The following SEMA3A variants were observed in gnomAD, a reference collection of about 807,000 sequenced individuals.
The protein encoded by SEMA3A is semaphorin 3A, also known as semaphorin-3A.
In SEMA3A, 29 loss-of-function variants were observed where a neutral mutation model predicts 97.9. That is an observed-to-expected ratio of 0.30 (90% confidence interval 0.22 to 0.40). The LOEUF is 0.40. Among genes scored for constraint, SEMA3A ranks in the 10% least tolerant of loss-of-function variants. The pLI, the probability that SEMA3A is intolerant of heterozygous loss-of-function variation, is 1.00. For synonymous variants in SEMA3A, 321 were observed against 323.7 expected (o/e 0.99, Z 0.09); for missense variants, 763 against 951.3 (o/e 0.80, Z 2.60).
At position 84,086,313 on chromosome 7, in the gene SEMA3A, C is replaced by T. The variant is rs1044595724; in HGVS notation, c.453+24157G>A. Among the ~76,000 whole-genome samples the T allele has an allele frequency of 3.3e-5, 5 of 151,660 alleles. No homozygotes were observed. The East Asian group carries it at 9.7e-4, about 29-fold the overall frequency. ...AGAATTAGCATACCTGGCTTTGAGT[C>T]CAGAATCTGCTGCTCTGTAGTTGTG... On this transcript the variant is annotated intron_variant, in intron 4 of 16. Coordinates refer to ENST00000265362, the MANE Select transcript of SEMA3A (RefSeq NM_006080.3).
rs543971145 is a variant in SEMA3A, at chr7:84,122,596, C to T, written c.333+6527G>A. ...CAAATTAGAAGGTAATTCTAATTAT[C>T]CACTTAATACAGTTTTATTATGTCT... On this transcript the variant is annotated intron_variant, in intron 3 of 16. Coordinates refer to ENST00000265362, the MANE Select transcript of SEMA3A (RefSeq NM_006080.3). Among the ~76,000 whole-genome samples, 233 of 152,154 alleles carry T rather than the reference C, an allele frequency of 1.5e-3. 8 individuals are homozygous for T. In the South Asian group the frequency reaches 0.047, roughly 31 times the overall value.
At chr7:84,258,219 G>A (rs1799760932) in intron 3 of SEMA3A, among the ~76,000 whole-genome samples, 2 of 152,114 alleles carry the variant, frequency 1.3e-5, no homozygotes, top group South Asian at 4.1e-4. Context: ...ACGGGTAGAG[G>A]AGATATGTGG....
At chr7:84,158,836 A>G (rs978426456) in intron 1 of SEMA3A, among the ~76,000 whole-genome samples, 3 of 152,214 alleles carry the variant, frequency 2.0e-5, no homozygotes, top group Non-Finnish European at 4.4e-5. Flanking sequence ...TAGAATTTTT[A>G]TCATTAAAAT....
At chr7:84,200,912 G>A (rs758314287) in intron 3 of SEMA3A, among the ~76,000 whole-genome samples, 79 of 151,678 alleles carry the variant, frequency 5.2e-4, no homozygotes, top group Admixed American at 1.8e-3. Flanking sequence ...TAGGCAGTGA[G>A]GAGGAAAAAA....
At position 84,023,037 on chromosome 7, in the gene SEMA3A, C is replaced by A. The variant is rs550898381; in HGVS notation, c.668-8686G>T. Among the ~76,000 whole-genome samples the A allele has an allele frequency of 1.2e-4, 19 of 152,298 alleles. 1 individual carries two copies. The South Asian group carries it at 3.9e-3, about 32-fold the overall frequency. On this transcript the variant is annotated intron_variant, in intron 6 of 16. Transcript: ENST00000265362. ...ACCACCCCCTTGACATTCTTCCATA[C>A]CTCATCCCACAGATGGCATTTCTTG...
chr7:84,482,125 C>G (rs1806462164), intron 1 of SEMA3A, among the ~76,000 whole-genome samples: 1 of 122,274 alleles, frequency 8.2e-6, no homozygotes, highest in Admixed American at 8.5e-5. Context: ...TCAAATTCAT[C>G]TATTTCAAAC....
chr7:84,033,696 C>A (rs1218095332), intron 6 of SEMA3A, among the ~76,000 whole-genome samples: 1 of 152,052 alleles, frequency 6.6e-6, no homozygotes, highest in Non-Finnish European at 1.5e-5. Flanking sequence ...TTTTAATAAT[C>A]AAAAGTATAA....
intron 15 of SEMA3A, among the ~76,000 whole-genome samples, chr7:83,975,635 C>T (rs1407860685): frequency 1.3e-5 from 2 of 152,072 alleles, no homozygotes; most frequent in Non-Finnish European, 2.9e-5. Flanking sequence ...TAGAAATATA[C>T]AACAAGCAAA....
At chr7:84,148,707 GCCAC>G (rs1796538108) in intron 1 of SEMA3A, among the ~76,000 whole-genome samples, 1 of 152,030 alleles carries the variant, frequency 6.6e-6, no homozygotes, top group African/African-American at 2.4e-5. Flanking sequence ...TTCTACCTCT[GCCAC>G]CCCTAACACA....
intron 1 of SEMA3A, among the ~76,000 whole-genome samples, chr7:84,485,939 T>C (rs1415614795): frequency 1.3e-5 from 2 of 152,298 alleles, no homozygotes; most frequent in East Asian, 1.9e-4. Context: ...GTTTACAAAT[T>C]GGGAAAATTT....
At position 83,957,264 on chromosome 7, in the gene SEMA3A, T is replaced by C. The variant is rs1333331967; in HGVS notation, c.*4107A>G. 1 of 122,308 alleles carries C rather than the reference T, an allele frequency of 8.2e-6. No homozygotes were observed. Among genetic ancestry groups the C allele is most frequent in the African/African-American group, 3.9e-5 (1 of 25,566 alleles). 7.6% of individuals were successfully genotyped at this position (122,308 alleles called of 1,614,324 possible). A position where few individuals can be genotyped will look rare whatever the true frequency, so the allele number is the denominator to read the frequency against. On this transcript the variant is annotated 3_prime_UTR_variant, in exon 17 of 17. Transcript: ENST00000265362. ...ATTAGATGATGATAAGTCATCTCGC[T>C]CTGTTTCCTTAATTTCATTGTGAGC...
intron 1 of SEMA3A, among the ~76,000 whole-genome samples, chr7:84,441,051 G>C (rs1282528087): frequency 6.6e-6 from 1 of 152,022 alleles, no homozygotes; most frequent in Admixed American, 6.6e-5. Context: ...CCAGCTACTG[G>C]AGAGGCTGAG....
At chr7:83,983,946 T>A (rs1340550715) in intron 13 of SEMA3A, among the ~76,000 whole-genome samples, 2 of 152,154 alleles carry the variant, frequency 1.3e-5, no homozygotes, top group Non-Finnish European at 2.9e-5. Flanking sequence ...TAAGCATGAA[T>A]GAAATTGAGT....
chr7:83,980,623 A>ACAAAAAAAAAAAAAAAATATAT (rs1554383377), intron 14 of SEMA3A, among the ~76,000 whole-genome samples: 2 of 71,762 alleles, frequency 2.8e-5, no homozygotes, highest in African/African-American at 1.7e-4. Flanking sequence ...AAAAAAAAAA[A>ACAAAAAAAAAAAAAAAATATAT]ATATATATAT....
intron 3 of SEMA3A, among the ~76,000 whole-genome samples, chr7:84,263,788 A>C (rs1214439321): frequency 1.3e-5 from 2 of 152,192 alleles, no homozygotes; most frequent in Non-Finnish European, 2.9e-5. Flanking sequence ...GATGGAGTAC[A>C]TGTTAGGTAT....
At chr7:83,984,837 T>G (rs905968421) in intron 13 of SEMA3A, among the ~76,000 whole-genome samples, 2 of 152,032 alleles carry the variant, frequency 1.3e-5, no homozygotes, top group Non-Finnish European at 2.9e-5. Context: ...TCATGAAGTT[T>G]TAGTACTTAT....
At chr7:84,431,731 G>A (rs988985035) in intron 1 of SEMA3A, among the ~76,000 whole-genome samples, 2 of 151,672 alleles carry the variant, frequency 1.3e-5, no homozygotes, top group Non-Finnish European at 2.9e-5. Context: ...GTAACAAAAG[G>A]GTGAGTTGTG....
At chr7:84,370,299 T>G (rs915464500) in intron 2 of SEMA3A, among the ~76,000 whole-genome samples, 1 of 151,662 alleles carries the variant, frequency 6.6e-6, no homozygotes. Flanking sequence ...ATAAACTTTG[T>G]TTCCACACTG....
At chr7:83,988,235 T>C (rs1225276425) in intron 12 of SEMA3A, among the ~76,000 whole-genome samples, 3 of 152,064 alleles carry the variant, frequency 2.0e-5, no homozygotes, top group African/African-American at 7.2e-5. Context: ...TTGTTGTTTG[T>C]TTGTTTTTTG....
Sources: gnomAD v4.1 joint callset for allele counts (sites outside exome capture counted in the v4.1 genomes callset) on GRCh38, gnomAD v4.1.1 for gene constraint, MANE v1.5 for transcripts, NCBI Gene and HGNC (gene_info 2026-07-23, HGNC 2026-07-21) for gene names.